ZMYND8: variants seen among roughly 807,000 people sequenced by gnomAD.
The protein encoded by ZMYND8 is MYND-type zinc finger-containing chromatin reader ZMYND8.
ZMYND8 carries 37 observed loss-of-function variants against 140.8 expected under a neutral mutation model. The ratio of observed to expected loss-of-function variants is 0.26; its 90% CI spans 0.20 to 0.35. ZMYND8 has a LOEUF of 0.35. ZMYND8 is among the 10% of genes least tolerant of loss of function. The pLI is 1.00. For missense variants in ZMYND8, 1,068 were observed against 1,570.0 expected (o/e 0.68, Z 5.40); for synonymous variants, 592 against 597.1 (o/e 0.99, Z 0.12).
chr20:47,229,633 AG>A, intron 17 of ZMYND8, 92 bp downstream of exon 17: 1 of 1,209,854 alleles, frequency 8.3e-7, no homozygotes, highest in Non-Finnish European at 1.2e-6. Context: ...AGGACCCCAG[AG>A]GGGTTTCCAG....
intron 12 of ZMYND8, among the ~76,000 whole-genome samples, chr20:47,256,058 A>G (rs548902227): frequency 8.0e-5 from 12 of 150,370 alleles, no homozygotes; most frequent in Non-Finnish European, 1.5e-4. Flanking sequence ...GGGCAACAAG[A>G]GCAAAGCTCT....
chr20:47,264,141 A>C (rs917384736), intron 11 of ZMYND8, among the ~76,000 whole-genome samples: 2 of 152,236 alleles, frequency 1.3e-5, no homozygotes, highest in African/African-American at 4.8e-5. Context: ...ATAGGGATGG[A>C]GTAGGCATGC....
chr20:47,243,243 A>C (rs2040179574), intron 14 of ZMYND8, among the ~76,000 whole-genome samples: 1 of 152,248 alleles, frequency 6.6e-6, no homozygotes, highest in African/African-American at 2.4e-5. Context: ...CTAAACTCTT[A>C]AGTGAAAACA....
intron 19 of ZMYND8, among the ~76,000 whole-genome samples, chr20:47,222,247 C>T (rs566252159): frequency 6.9e-4 from 105 of 152,146 alleles, no homozygotes; most frequent in Non-Finnish European, 1.3e-3. Context: ...AAAAACAGGG[C>T]GTTTGGGGCC....
Position 47,262,337 on chromosome 20 carries a change from C to T in ZMYND8, c.1572G>A (p.Thr524=), listed in dbSNP as rs772431059. The change falls in exon 12 of 23, where the codon ACG becomes ACA. Residue 524 remains threonine, a synonymous_variant. Transcript: ENST00000471951. Reference sequence around the variant, plus strand: ...CGGTGGTGGAGGTTTTGTCCGTTTTCGTCGTGATAGGAGCTGACAGTTGAG... The same window carrying T: ...CGGTGGTGGAGGTTTTGTCCGTTTTTGTCGTGATAGGAGCTGACAGTTGAG... ...FSPQLSAPIT[T]KTDKTSTTGS... is the part of the protein sequence containing the mutation. The T allele has an allele frequency of 7.7e-5, 124 of 1,613,744 alleles. No individual in the cohort carries two copies. Among genetic ancestry groups the T allele is most frequent in the Non-Finnish European group, 9.7e-5 (114 of 1,180,028 alleles).
In ZMYND8 at chr20:47,298,162, G is replaced by A. The variant is rs2077765564; in HGVS notation, c.453+567C>T. 1 of 593,830 alleles carries A rather than the reference G, an allele frequency of 1.7e-6. No individual in the cohort carries two copies. The highest frequency in any genetic ancestry group is 2.0e-5 in the African/African-American group (1 of 49,470). 36.8% of individuals were successfully genotyped at this position (593,830 alleles called of 1,614,324 possible). On this transcript the variant is annotated intron_variant, in intron 4 of 22. Coordinates refer to ENST00000471951, the MANE Select transcript of ZMYND8 (RefSeq NM_001281775.3). This position sits in a 1 kb window ranked among gnomAD's most constrained non-coding sequence, Gnocchi z 5.0. The stretch of plus-strand genomic sequence containing the variant: ...CATTATATGGAACTTTATTTATTTT[G>A]GTTTTTGTCCTTTTCTGCTGGAAAA...
At chr20:47,251,983 A>T (rs74487244) in intron 12 of ZMYND8, among the ~76,000 whole-genome samples, 88 of 146,798 alleles carry the variant, frequency 6.0e-4, no homozygotes, top group South Asian at 3.7e-3. Context: ...AAGTTTATTT[A>T]AAAAAAAAAA....
rs1237726846 is a variant in ZMYND8 at position 47,290,625 on chromosome 20, C to G, written c.661-351G>C. Among the ~76,000 whole-genome samples, 62 of 62,986 alleles carry G rather than the reference C, an allele frequency of 9.8e-4. 1 individual carries two copies. Among genetic ancestry groups the G allele is most frequent in the African/African-American group, 4.3e-3 (60 of 13,934 alleles). The allele number at this position is 62,986 out of a possible 152,430, so 41.3% of individuals were successfully genotyped here. ...TTTTTTTTGGAGGTGGAGTTTTGCT[C>G]TTATTGCCCAGGTTGGAGTGCAATG... On this transcript the variant is annotated intron_variant, in intron 6 of 22. Transcript: ENST00000471951.
chr20:47,236,643 C>G, intron 15 of ZMYND8, 127 bp from the exon 16 acceptor site: 1 of 973,628 alleles, frequency 1.0e-6, no homozygotes. Flanking sequence ...GACAAAGATG[C>G]TCCCCTTGAC....
rs763825849 is a variant in ZMYND8 at position 47,291,892 on chromosome 20, T to C, written c.568-4A>G. 2 of 1,610,324 alleles carry C rather than the reference T, an allele frequency of 1.2e-6. No homozygotes were observed. Among genetic ancestry groups the C allele is most frequent in the South Asian group, 1.1e-5 (1 of 90,306 alleles). On this transcript the variant is annotated splice_polypyrimidine_tract_variant and splice_region_variant and intron_variant, in intron 5 of 22. Transcript: ENST00000471951. The stretch of plus-strand genomic sequence containing the variant: ...CGGGCTTCTGGAATGCATCTGTCTA[T>C]AAAAGAGAAGATATGCAGAGGAACG...
intron 18 of ZMYND8, among the ~76,000 whole-genome samples, chr20:47,225,423 C>T (rs1014095755): frequency 1.0e-4 from 15 of 150,468 alleles, no homozygotes; most frequent in African/African-American, 3.2e-4. Context: ...TAGCTAGGCG[C>T]GATGGTGTAA....
chr20:47,339,215 G>A lies in ZMYND8; in HGVS notation c.85+8641C>T, dbSNP rs950340969. On this transcript the variant is annotated intron_variant, in intron 2 of 22. Transcript: ENST00000471951. Reference sequence around the variant, plus strand: ...TCTCGATCTCCTGACCTTGTGATCCGCCCGCCTCGGCCTCCCAAAGTGCTG... The same window carrying A: ...TCTCGATCTCCTGACCTTGTGATCCACCCGCCTCGGCCTCCCAAAGTGCTG... 1.4e-4 allele frequency among the ~76,000 whole-genome samples: 22 copies of A among 151,830 alleles called. No individual in the cohort carries two copies. The East Asian group carries it at 4.3e-3, about 30-fold the overall frequency.
intron 2 of ZMYND8, among the ~76,000 whole-genome samples, chr20:47,328,156 A>G (rs1052404796): frequency 6.6e-6 from 1 of 152,194 alleles, no homozygotes; most frequent in African/African-American, 2.4e-5. Flanking sequence ...AGGGTGTAAC[A>G]GGACAGGGGA....
At position 47,298,303 on chromosome 20, in the gene ZMYND8, C is replaced by A; in HGVS notation, c.453+426G>T. Reference sequence around the variant, plus strand: ...CCAGACGGCCACTACAGGGAACATGCAACCAAACGTGGTCTTCTCAGCTTG... The same window carrying A: ...CCAGACGGCCACTACAGGGAACATGAAACCAAACGTGGTCTTCTCAGCTTG... On this transcript the variant is annotated intron_variant, in intron 4 of 22. Coordinates refer to ENST00000471951, the MANE Select transcript of ZMYND8 (RefSeq NM_001281775.3). This position sits in a 1 kb window ranked among gnomAD's most constrained non-coding sequence, Gnocchi z 5.0. The A allele has an allele frequency of 1.0e-6, 1 of 985,368 alleles. No homozygotes were observed. The highest frequency in any genetic ancestry group is 1.2e-6 in the Non-Finnish European group (1 of 829,902). The allele number at this position is 985,368 out of a possible 1,614,324, so 61.0% of individuals were successfully genotyped here. A position where few individuals can be genotyped will look rare whatever the true frequency, so the allele number is the denominator to read the frequency against.
intron 19 of ZMYND8, 52 bp from the exon 20 acceptor site, chr20:47,221,526 T>C (rs773751114): frequency 6.3e-7 from 1 of 1,585,196 alleles, no homozygotes; most frequent in South Asian, 1.1e-5. Context: ...GTACGATGAT[T>C]TTGAAACATG....
chr20:47,281,365 C>T (rs776974179), intron 10 of ZMYND8, among the ~76,000 whole-genome samples: 31 of 152,204 alleles, frequency 2.0e-4, no homozygotes, highest in Admixed American at 7.2e-4. Context: ...TAAGTAGTCT[C>T]GCTACATACT....
chr20:47,344,804 T>A (rs1053238034), intron 2 of ZMYND8, among the ~76,000 whole-genome samples: 1 of 152,204 alleles, frequency 6.6e-6, no homozygotes, highest in African/African-American at 2.4e-5. Flanking sequence ...AAATTAAAAG[T>A]TCATTTTAAA....
chr20:47,332,720 A>T (rs187000886), intron 2 of ZMYND8, among the ~76,000 whole-genome samples: 4 of 152,280 alleles, frequency 2.6e-5, no homozygotes. Context: ...AAAAAAATAA[A>T]TAAAGACAAC....
At chr20:47,332,970 G>A (rs1296448207) in intron 2 of ZMYND8, among the ~76,000 whole-genome samples, 1 of 152,150 alleles carries the variant, frequency 6.6e-6, no homozygotes, top group Non-Finnish European at 1.5e-5. Context: ...GCATTATTCA[G>A]TCATAAAAGG....
Sources: allele counts gnomAD v4.1 joint callset (sites outside exome capture counted in the v4.1 genomes callset), GRCh38; gene constraint gnomAD v4.1.1; non-coding constraint Gnocchi (gnomAD v3.1); transcripts MANE v1.5; gene names NCBI Gene and HGNC (gene_info 2026-07-23, HGNC 2026-07-21).